The following BMAL1 variants were observed in gnomAD, a reference collection of about 807,000 sequenced individuals.
The protein encoded by BMAL1 is basic helix-loop-helix ARNT-like protein 1.
chr11:13,315,288 A>C, the BMAL1 span, among the ~76,000 whole-genome samples: 1 of 151,912 alleles, frequency 6.6e-6, no homozygotes, highest in African/African-American at 2.4e-5. Flanking sequence ...ATGCCTGTTC[A>C]CCCTTTGGAA....
At chr11:13,304,307 G>A in the BMAL1 span, among the ~76,000 whole-genome samples, 3 of 152,186 alleles carry the variant, frequency 2.0e-5, no homozygotes, top group African/African-American at 7.2e-5. Flanking sequence ...CGTTAGATTT[G>A]AGATCAGTTC....
the BMAL1 span, among the ~76,000 whole-genome samples, chr11:13,309,750 C>T: frequency 2.0e-5 from 3 of 152,204 alleles, no homozygotes; most frequent in East Asian, 1.9e-4. Flanking sequence ...TATGCCACAA[C>T]GTGCCATGTG....
the BMAL1 span, among the ~76,000 whole-genome samples, chr11:13,362,127 C>G: frequency 6.6e-6 from 1 of 152,198 alleles, no homozygotes. Flanking sequence ...GAGCCACATG[C>G]ATTTGCTCGA....
chr11:13,283,012 T>C, the BMAL1 span, among the ~76,000 whole-genome samples: 3 of 152,286 alleles, frequency 2.0e-5, no homozygotes, highest in South Asian at 2.1e-4. Context: ...AGGGTTTGAA[T>C]TGGGGACTTA....
At chr11:13,347,289 G>T in the BMAL1 span, among the ~76,000 whole-genome samples, 1 of 152,116 alleles carries the variant, frequency 6.6e-6, no homozygotes, top group Non-Finnish European at 1.5e-5. Flanking sequence ...GCTGAGGTGG[G>T]AAGATCACTT....
chr11:13,378,225 C>G, the BMAL1 span: 3 of 1,383,432 alleles, frequency 2.2e-6, no homozygotes, highest in Non-Finnish European at 2.9e-6. Context: ...CAAGGCACAA[C>G]TCTGATGTTG....
At chr11:13,383,769 T>A in the BMAL1 span, among the ~76,000 whole-genome samples, 3 of 152,152 alleles carry the variant, frequency 2.0e-5, no homozygotes, top group African/African-American at 7.2e-5. Context: ...GAGAATCACC[T>A]GAGCCCAGGA....
At chr11:13,362,231 A>G in the BMAL1 span, among the ~76,000 whole-genome samples, 1 of 152,180 alleles carries the variant, frequency 6.6e-6, no homozygotes, top group South Asian at 2.1e-4. Flanking sequence ...TTCCTTGCCA[A>G]AAAAGCCATC....
At chr11:13,295,429 C>A in the BMAL1 span, among the ~76,000 whole-genome samples, 1 of 152,058 alleles carries the variant, frequency 6.6e-6, no homozygotes, top group Non-Finnish European at 1.5e-5. Context: ...GCCTGTTTGT[C>A]GAGAAGTGGG....
chr11:13,313,313 G>A, the BMAL1 span, among the ~76,000 whole-genome samples: 5 of 152,054 alleles, frequency 3.3e-5, no homozygotes, highest in South Asian at 2.1e-4. Context: ...TCCCTTTCAC[G>A]TCATCCTTAA....
the BMAL1 span, among the ~76,000 whole-genome samples, chr11:13,326,696 G>T: frequency 0.25 from 36,794 of 147,780 alleles, 4,801 homozygotes; most frequent in East Asian, 0.45. Context: ...ATAATATATA[G>T]AGAGATAATA....
the BMAL1 span, among the ~76,000 whole-genome samples, chr11:13,301,382 C>G: frequency 6.6e-6 from 1 of 152,210 alleles, no homozygotes; most frequent in African/African-American, 2.4e-5. Context: ...CAGTGCACCC[C>G]TGTTTCTGAG....
chr11:13,322,544 C>A, the BMAL1 span, among the ~76,000 whole-genome samples: 13 of 152,208 alleles, frequency 8.5e-5, no homozygotes, highest in Non-Finnish European at 1.2e-4. Context: ...AGGAAAACTC[C>A]ATTCATTTAG....
chr11:13,333,696 C>T, the BMAL1 span, among the ~76,000 whole-genome samples: 8 of 152,220 alleles, frequency 5.3e-5, no homozygotes, highest in Admixed American at 3.3e-4. Flanking sequence ...CGGACATCTC[C>T]GCACCAGGCA....
At chr11:13,313,324 C>T in the BMAL1 span, among the ~76,000 whole-genome samples, 3 of 152,140 alleles carry the variant, frequency 2.0e-5, no homozygotes, top group Admixed American at 6.5e-5. Flanking sequence ...TCATCCTTAA[C>T]GTCCTCCCTG....
At chr11:13,374,442 T>G in the BMAL1 span, among the ~76,000 whole-genome samples, 1 of 152,206 alleles carries the variant, frequency 6.6e-6, no homozygotes, top group Non-Finnish European at 1.5e-5. Context: ...GTTCAGAGGG[T>G]TTTCCCAGAC....
At chr11:13,321,820 G>C in the BMAL1 span, among the ~76,000 whole-genome samples, 422 of 152,230 alleles carry the variant, frequency 2.8e-3, 3 homozygotes, top group African/African-American at 9.0e-3. Flanking sequence ...CTCCTTTAAA[G>C]ACTATGTGAA....
At chr11:13,336,499 G>A in the BMAL1 span, among the ~76,000 whole-genome samples, 1 of 152,168 alleles carries the variant, frequency 6.6e-6, no homozygotes, top group Non-Finnish European at 1.5e-5. Flanking sequence ...GGGGCAACTT[G>A]TAGGCCAAGT....
the BMAL1 span, among the ~76,000 whole-genome samples, chr11:13,308,400 G>C: frequency 2.6e-5 from 4 of 152,178 alleles, no homozygotes; most frequent in African/African-American, 9.7e-5. Context: ...TCTGAGCATT[G>C]TTAGCATGGA....
Sources: gnomAD v4.1 joint callset for allele counts (sites outside exome capture counted in the v4.1 genomes callset) on GRCh38, gnomAD v4.1.1 for gene constraint, MANE v1.5 for transcripts, NCBI Gene and HGNC (gene_info 2026-07-23, HGNC 2026-07-21) for gene names.